CHN1: variants seen among roughly 807,000 people sequenced by gnomAD.
CHN1 encodes the protein chimerin 1.
In CHN1, 37 loss-of-function variants were observed where a neutral mutation model predicts 59.5. The ratio of observed to expected loss-of-function variants is 0.62; its 90% CI spans 0.48 to 0.82. The LOEUF (loss-of-function observed/expected upper bound fraction) is 0.82, where lower values mean the gene tolerates loss of function less well. Ranked by LOEUF, CHN1 falls within the 40% of genes least tolerant of loss-of-function variation. The pLI, the probability that CHN1 is intolerant of heterozygous loss-of-function variation, is 0.00. For missense variants in CHN1, 469 were observed against 571.0 expected (o/e 0.82, Z 1.82); for synonymous variants, 206 against 200.4 (o/e 1.03, Z -0.24).
intron 5 of CHN1, among the ~76,000 whole-genome samples, chr2:174,886,149 G>C (rs1007409766): frequency 6.6e-6 from 1 of 152,204 alleles, no homozygotes; most frequent in Non-Finnish European, 1.5e-5. Flanking sequence ...ATGTATAAGT[G>C]TGAGTGTGTG....
At chr2:174,848,049 T>C (rs1412773047) in intron 6 of CHN1, among the ~76,000 whole-genome samples, 1 of 152,138 alleles carries the variant, frequency 6.6e-6, no homozygotes, top group Non-Finnish European at 1.5e-5. Context: ...TGATGAAAGA[T>C]AAAAGAAGTT....
intron 11 of CHN1, among the ~76,000 whole-genome samples, chr2:174,805,352 C>T (rs1485925045): frequency 6.6e-6 from 1 of 152,254 alleles, no homozygotes; most frequent in Non-Finnish European, 1.5e-5. Flanking sequence ...CAAACTCTAA[C>T]ATCCTACCGT....
At chr2:174,996,337 A>G (rs1190172822) in intron 1 of CHN1, among the ~76,000 whole-genome samples, 1 of 152,246 alleles carries the variant, frequency 6.6e-6, no homozygotes, top group Non-Finnish European at 1.5e-5. Flanking sequence ...AAATATTACA[A>G]AACCACTTTT....
intron 5 of CHN1, among the ~76,000 whole-genome samples, chr2:174,907,649 T>A: frequency 6.8e-6 from 1 of 147,938 alleles, no homozygotes. Context: ...AAATGATACA[T>A]GTGCACTGTA....
At chr2:174,875,155 G>A (rs903197114) in intron 6 of CHN1, among the ~76,000 whole-genome samples, 9 of 152,020 alleles carry the variant, frequency 5.9e-5, no homozygotes, top group South Asian at 2.1e-4. Flanking sequence ...GATTACAGGC[G>A]TGAGCCACCA....
chr2:175,004,804 C>G, intron 1 of CHN1, 90 bp downstream of exon 1: 1 of 771,560 alleles, frequency 1.3e-6, no homozygotes, highest in Non-Finnish European at 1.6e-6. Context: ...GCCGCGCCCC[C>G]TCCCCGGGCG....
intron 7 of CHN1, among the ~76,000 whole-genome samples, chr2:174,839,513 A>G (rs756076634): frequency 3.3e-5 from 5 of 152,202 alleles, no homozygotes; most frequent in Non-Finnish European, 5.9e-5. Flanking sequence ...CAATGCATAT[A>G]AAGTTTCAGT....
At chr2:174,923,138 ATTTTTTTTTTTTTTCTTTTTG>A (rs1689065085) in intron 3 of CHN1, among the ~76,000 whole-genome samples, 2 of 146,120 alleles carry the variant, frequency 1.4e-5, no homozygotes, top group Admixed American at 6.9e-5. Flanking sequence ...TAACAATATA[ATTTTTTTTTTTTTTCTTTTTG>A]AGACGGAGTC....
intron 1 of CHN1, among the ~76,000 whole-genome samples, chr2:174,993,299 G>C (rs1215522937): frequency 6.6e-6 from 1 of 150,614 alleles, no homozygotes; most frequent in Admixed American, 6.7e-5. Flanking sequence ...TCGGAATTGA[G>C]TCCAATCTCT....
At chr2:174,806,829 C>A (rs1684899604) in intron 11 of CHN1, among the ~76,000 whole-genome samples, 1 of 152,206 alleles carries the variant, frequency 6.6e-6, no homozygotes, top group Admixed American at 6.5e-5. Context: ...ACAGACTCTA[C>A]TGCCAGAAGA....
chr2:174,842,807 T>C (rs1268537435), intron 7 of CHN1, among the ~76,000 whole-genome samples: 1 of 152,210 alleles, frequency 6.6e-6, no homozygotes, highest in African/African-American at 2.4e-5. Flanking sequence ...ATAAGGTTCA[T>C]GTTACAGTGT....
At position 174,799,317 on chromosome 2, in the gene CHN1, A is replaced by G. The variant is rs1684638136; in HGVS notation, c.*799T>C. ...TTTAACAGTAAACAAAAGAGGTCAG[A>G]AGAAGTACTCAGTATTTAATAAATG... On this transcript the variant is annotated 3_prime_UTR_variant, in exon 13 of 13. Transcript: ENST00000409900. The G allele has an allele frequency of 5.3e-6, 2 of 374,394 alleles. No homozygotes were observed. Among genetic ancestry groups the G allele is most frequent in the African/African-American group, 2.1e-5 (1 of 47,674 alleles). 23.2% of individuals were successfully genotyped at this position (374,394 alleles called of 1,614,324 possible).
At chr2:174,961,785 C>T (rs959977040) in intron 1 of CHN1, among the ~76,000 whole-genome samples, 7 of 152,036 alleles carry the variant, frequency 4.6e-5, no homozygotes, top group Admixed American at 6.6e-5. Flanking sequence ...TGTTGTTATA[C>T]CACATGCCAT....
At chr2:174,979,336 C>CA (rs1691059790) in intron 1 of CHN1, among the ~76,000 whole-genome samples, 2 of 152,134 alleles carry the variant, frequency 1.3e-5, no homozygotes, top group African/African-American at 4.8e-5. Flanking sequence ...ATAAAATACT[C>CA]AGCAATGGAA....
chr2:174,997,969 A>G (rs1162513650), intron 1 of CHN1, among the ~76,000 whole-genome samples: 1 of 148,014 alleles, frequency 6.8e-6, no homozygotes, highest in Non-Finnish European at 1.5e-5. Flanking sequence ...CCTGGGTGAC[A>G]CAGTAAGACT....
At chr2:174,949,309 C>G (rs763361737) in intron 2 of CHN1, among the ~76,000 whole-genome samples, 1 of 152,058 alleles carries the variant, frequency 6.6e-6, no homozygotes, top group East Asian at 1.9e-4. Flanking sequence ...AAAAAGTCAT[C>G]GTTAGAATGC....
chr2:174,941,906 T>C (rs1325408739), intron 3 of CHN1, among the ~76,000 whole-genome samples: 1 of 152,064 alleles, frequency 6.6e-6, no homozygotes, highest in Non-Finnish European at 1.5e-5. Flanking sequence ...AGCCAAGAAG[T>C]ATATGAAAAA....
intron 1 of CHN1, among the ~76,000 whole-genome samples, chr2:174,961,122 A>AAGGAAGGAAGGGAGGAAGGGAAGGGAGAG (rs1690386045): frequency 8.0e-6 from 1 of 124,952 alleles, no homozygotes; most frequent in African/African-American, 2.8e-5. Context: ...TGACGGAGGG[A>AAGGAAGGAAGGGAGGAAGGGAAGGGAGAG]AGGAAGGAAG....
chr2:174,933,417 T>C (rs2105390722), intron 3 of CHN1, among the ~76,000 whole-genome samples: 1 of 151,556 alleles, frequency 6.6e-6, no homozygotes, highest in East Asian at 1.9e-4. Context: ...GGAAACAAAG[T>C]GAGAAAAATG....
Sources: allele counts gnomAD v4.1 joint callset (sites outside exome capture counted in the v4.1 genomes callset), GRCh38; gene constraint gnomAD v4.1.1; transcripts MANE v1.5; gene names NCBI Gene and HGNC (gene_info 2026-07-23, HGNC 2026-07-21).